Variants in HTR2A observed in about 807,000 individuals in gnomAD.
HTR2A encodes 5-hydroxytryptamine receptor 2A, also known as 5-HT2 receptor.
A neutral mutation model predicts 31.0 loss-of-function variants in HTR2A; 14 were observed. That is an observed-to-expected ratio of 0.45 (90% CI 0.30 to 0.71). The LOEUF is 0.71. Ranked by LOEUF, HTR2A falls within the 30% of genes least tolerant of loss-of-function variation. The pLI is 0.09. For synonymous variants in HTR2A, 209 were observed against 225.2 expected, an observed-to-expected ratio of 0.93 and a Z score of 0.64; for missense variants, 442 against 573.3, an observed-to-expected ratio of 0.77 and a Z score of 2.34.
intron 3 of HTR2A, among the ~76,000 whole-genome samples, chr13:46,848,585 A>T (rs535410174): frequency 4.6e-5 from 7 of 152,248 alleles, no homozygotes; most frequent in African/African-American, 1.7e-4. Flanking sequence ...CGAGGAACTC[A>T]CAAGGAAGGA....
chr13:46,838,436 T>C (rs1950575412), intron 3 of HTR2A, among the ~76,000 whole-genome samples: 1 of 152,186 alleles, frequency 6.6e-6, no homozygotes, highest in South Asian at 2.1e-4. Flanking sequence ...ATAGTGATGT[T>C]CTACCAGTGG....
chr13:46,837,642 C>T (rs1194924304), intron 3 of HTR2A, among the ~76,000 whole-genome samples: 1 of 152,152 alleles, frequency 6.6e-6, no homozygotes, highest in Non-Finnish European at 1.5e-5. Flanking sequence ...CTCTTGCCAT[C>T]CATCTGGAAA....
chr13:46,860,161 C>A (rs747253588), intron 3 of HTR2A, among the ~76,000 whole-genome samples: 20 of 152,158 alleles, frequency 1.3e-4, no homozygotes, highest in Non-Finnish European at 2.9e-4. Flanking sequence ...TGCCCTAGTT[C>A]TGGTGCTGAG....
At chr13:46,897,637 C>T (rs1157820239), upstream of HTR2A, among the ~76,000 whole-genome samples, 1 of 152,162 alleles carries the variant, frequency 6.6e-6, no homozygotes, top group East Asian at 1.9e-4. Flanking sequence ...AGCCCTTTCC[C>T]AAGTAGGTTT....
At chr13:46,855,532 T>C (rs1177527316) in intron 3 of HTR2A, among the ~76,000 whole-genome samples, 5 of 152,132 alleles carry the variant, frequency 3.3e-5, no homozygotes, top group Admixed American at 1.3e-4. Flanking sequence ...GTACACAGGC[T>C]GCTTTTCTCA....
At chr13:46,892,720 A>C in intron 2 of HTR2A, 130 bp from the exon 3 acceptor site, 1 of 699,180 alleles carries the variant, frequency 1.4e-6, no homozygotes, top group Non-Finnish European at 2.4e-6. Context: ...ATATATTTTT[A>C]GTATTTGAAA....
At chr13:46,878,829 A>G (rs924924426) in intron 3 of HTR2A, among the ~76,000 whole-genome samples, 12 of 152,206 alleles carry the variant, frequency 7.9e-5, no homozygotes, top group African/African-American at 2.9e-4. Flanking sequence ...ATCTGAGCAC[A>G]AGTTTATACT....
chr13:46,886,307 G>A (rs61948340), intron 3 of HTR2A, among the ~76,000 whole-genome samples: 1 of 151,044 alleles, frequency 6.6e-6, no homozygotes, highest in Non-Finnish European at 1.5e-5. Context: ...CAAACTAACC[G>A]GGTTGGAGGA....
At chr13:46,838,065 C>T (rs1166113321) in intron 3 of HTR2A, among the ~76,000 whole-genome samples, 1 of 152,180 alleles carries the variant, frequency 6.6e-6, no homozygotes, top group Admixed American at 6.5e-5. Context: ...TGGATATTGA[C>T]CAGTTTTGCT....
chr13:46,846,785 C>CT (rs1236322915), intron 3 of HTR2A, among the ~76,000 whole-genome samples: 7 of 152,158 alleles, frequency 4.6e-5, no homozygotes, highest in African/African-American at 1.7e-4. Context: ...AAATCTGGGA[C>CT]TTTTTTCACA....
intron 3 of HTR2A, among the ~76,000 whole-genome samples, chr13:46,891,111 C>T (rs1292717693): frequency 1.3e-5 from 2 of 152,238 alleles, no homozygotes; most frequent in Non-Finnish European, 2.9e-5. Context: ...AAGTTGGAGA[C>T]ATGATCCAGT....
Position 46,896,887 on chromosome 13 carries a change from A to ACGGCT in HTR2A, c.-547_-543dup. 6.7e-7 allele frequency: 1 copy of ACGGCT among 1,496,340 alleles called. No homozygotes were observed. Among genetic ancestry groups the ACGGCT allele is most frequent in the East Asian group, 2.5e-5 (1 of 40,494 alleles). 92.7% of individuals were successfully genotyped at this position (1,496,340 alleles called of 1,614,324 possible). On this transcript the variant is annotated 5_prime_UTR_variant, in exon 1 of 4. An upstream open reading frame in the 5' UTR gains an earlier in-frame stop. Transcript: ENST00000542664. Reference sequence around the variant, plus strand: ...TAGGATCCTGTTGGCTTCCTCTGGCACGGCTCGGCTGGGTTCCTCCCTCCC... The same window carrying ACGGCT: ...TAGGATCCTGTTGGCTTCCTCTGGCACGGCTCGGCTCGGCTGGGTTCCTCCCTCCC...
At chr13:46,856,777 G>C (rs999094624) in intron 3 of HTR2A, among the ~76,000 whole-genome samples, 1 of 152,162 alleles carries the variant, frequency 6.6e-6, no homozygotes, top group African/African-American at 2.4e-5. Context: ...CAAATACTTA[G>C]TGAATATCTA....
intron 3 of HTR2A, among the ~76,000 whole-genome samples, chr13:46,887,191 G>C (rs149485507): frequency 1.3e-5 from 2 of 151,956 alleles, no homozygotes; most frequent in African/African-American, 2.4e-5. Flanking sequence ...ATGCCGAGGC[G>C]GGCGGATCAT....
intron 3 of HTR2A, among the ~76,000 whole-genome samples, chr13:46,878,290 G>A (rs947622475): frequency 6.6e-6 from 1 of 152,192 alleles, no homozygotes; most frequent in Non-Finnish European, 1.5e-5. Context: ...CTGCTTGCAT[G>A]TGGAGCTTAG....
At position 46,834,943 on chromosome 13, in the gene HTR2A, T is replaced by C. The variant is rs1456019953; in HGVS notation, c.1310A>G (p.Lys437Arg). 1.2e-6 allele frequency: 2 copies of C among 1,614,152 alleles called. No homozygotes were observed. The highest frequency in any genetic ancestry group is 3.3e-5 in the Admixed American group (2 of 60,016). The change falls in exon 4 of 4, where the codon AAG becomes AGG. Residue 437 changes from lysine to arginine, a missense_variant. This residue lies in a region of HTR2A where 88 missense variants were observed against 83.1 expected (regional missense o/e 1.06). Coordinates refer to ENST00000542664, the MANE Select transcript of HTR2A (RefSeq NM_000621.5). The stretch of plus-strand genomic sequence containing the variant: ...CATTGAGCAGTCATTATCTGTTGTC[T>C]TGGCATCTTGCTTTGAATTCTTTTT... Reference protein sequence around the residue: ...GQKKNSKQDAKTTDNDCSMVA... With the variant: ...GQKKNSKQDARTTDNDCSMVA...
Position 46,880,351 on chromosome 13 carries a change from C to G in HTR2A, c.613+12039G>C, listed in dbSNP as rs146232101. On this transcript the variant is annotated intron_variant, in intron 3 of 3. Transcript: ENST00000542664. ...AGAGAGTGGAAGCCTCAAGAGCATACAGGATCCTGACGCAGCCCAAGGGCA... is the reference window on the plus strand; with the variant it reads ...AGAGAGTGGAAGCCTCAAGAGCATAGAGGATCCTGACGCAGCCCAAGGGCA... Among the ~76,000 whole-genome samples, 115 of 152,282 alleles carry G rather than the reference C, an allele frequency of 7.6e-4. No homozygotes were observed. The East Asian group carries it at 0.012, about 15-fold the overall frequency.
chr13:46,886,843 A>C (rs963610925), intron 3 of HTR2A, among the ~76,000 whole-genome samples: 1 of 152,218 alleles, frequency 6.6e-6, no homozygotes, highest in Admixed American at 6.5e-5. Context: ...TAGTCTTACG[A>C]TGTTGAGGAT....
At chr13:46,879,342 T>C (rs1241684255) in intron 3 of HTR2A, among the ~76,000 whole-genome samples, 2 of 152,206 alleles carry the variant, frequency 1.3e-5, no homozygotes, top group Non-Finnish European at 2.9e-5. Context: ...ATTGTTGAAA[T>C]AGAAATAGTC....
Sources: gnomAD v4.1 joint callset for allele counts (sites outside exome capture counted in the v4.1 genomes callset) on GRCh38, gnomAD v4.1.1 for gene constraint, gnomAD v4.1.1 regional missense constraint, MANE v1.5 for transcripts, NCBI Gene and HGNC (gene_info 2026-07-23, HGNC 2026-07-21) for gene names.